Variants in SMARCA4 observed in about 807,000 individuals in gnomAD.
SMARCA4 encodes SWI/SNF related BAF chromatin remodeling complex subunit ATPase 4.
A neutral mutation model predicts 193.9 loss-of-function variants in SMARCA4; 31 were observed. The observed-to-expected ratio is 0.16, with a 90% CI of 0.12 to 0.22. The LOEUF (loss-of-function observed/expected upper bound fraction) is 0.22, where lower values mean the gene tolerates loss of function less well. Ranked by LOEUF, SMARCA4 falls within the 10% of genes least tolerant of loss-of-function variation. The pLI, the probability that SMARCA4 is intolerant of heterozygous loss-of-function variation, is 1.00. For synonymous variants in SMARCA4, 942 were observed against 933.1 expected, an observed-to-expected ratio of 1.01 and a Z score of -0.17; for missense variants, 1,148 against 2,296.0, an observed-to-expected ratio of 0.50 and a Z score of 10.22.
Position 11,041,622 on chromosome 19 carries a change from C to G in SMARCA4, c.4424+62C>G, listed in dbSNP as rs2075620239. On this transcript the variant is annotated intron_variant, in intron 30 of 34. Coordinates refer to ENST00000344626, the MANE Select transcript of SMARCA4 (RefSeq NM_003072.5). The surrounding 1 kb of genome is among the most constrained non-coding windows in gnomAD (Gnocchi z 5.6). Reference sequence around the variant, plus strand: ...GTCCCCGTGGGAGCAGGCCTGGCATCTGCACTCTGACTCTGCACACTCAGG... The same window carrying G: ...GTCCCCGTGGGAGCAGGCCTGGCATGTGCACTCTGACTCTGCACACTCAGG... 6.8e-7 allele frequency: 1 copy of G among 1,469,878 alleles called. No individual in the cohort carries two copies. Among genetic ancestry groups the G allele is most frequent in the Admixed American group, 1.7e-5 (1 of 58,490 alleles). The allele number at this position is 1,469,878 out of a possible 1,614,324, so 91.1% of individuals were successfully genotyped here.
chr19:11,024,566 G>A, intron 21 of SMARCA4, 128 bp downstream of exon 21: 1 of 713,768 alleles, frequency 1.4e-6, no homozygotes, highest in Non-Finnish European at 2.5e-6. Flanking sequence ...CATCTGGCCA[G>A]CCCTGGTTAT....
chr19:11,045,376 C>T (rs1276207641), intron 30 of SMARCA4, among the ~76,000 whole-genome samples: 3 of 152,046 alleles, frequency 2.0e-5, no homozygotes, highest in Non-Finnish European at 4.4e-5. Context: ...AGAAGCTGAT[C>T]CACAGTAATG....
intron 24 of SMARCA4, 53 bp downstream of exon 24, chr19:11,028,003 C>T: frequency 1.3e-6 from 2 of 1,580,082 alleles, no homozygotes; most frequent in Non-Finnish European, 1.7e-6. Context: ...TTGTGGCTGC[C>T]ACAGAAGCTC....
chr19:10,962,657 C>G (rs182998046), intron 1 of SMARCA4, among the ~76,000 whole-genome samples: 1 of 152,166 alleles, frequency 6.6e-6, no homozygotes, highest in Non-Finnish European at 1.5e-5. Flanking sequence ...ATTCTCCTGC[C>G]TCAGCCTCCT....
At chr19:11,012,922 C>T in intron 15 of SMARCA4, 27 bp from the exon 16 acceptor site, 1 of 1,613,722 alleles carries the variant, frequency 6.2e-7, no homozygotes, top group Non-Finnish European at 8.5e-7. Context: ...GCCTTCAGTC[C>T]TGGCGTGGCC....
chr19:11,002,765 A>G (rs2146085174), intron 11 of SMARCA4, among the ~76,000 whole-genome samples: 1 of 145,434 alleles, frequency 6.9e-6, no homozygotes, highest in South Asian at 2.2e-4. Context: ...ACGCCACTGC[A>G]CTCTAGCCTG....
chr19:10,996,737 T>C (rs1009456940), intron 11 of SMARCA4, among the ~76,000 whole-genome samples, 193 bp downstream of exon 11: 3 of 152,236 alleles, frequency 2.0e-5, no homozygotes, highest in African/African-American at 7.2e-5. Context: ...CCAGACCTTT[T>C]TCTATGCATG....
rs1259857496 is a variant in SMARCA4, at chr19:11,036,639, C to A, written c.4170+1507C>A. Among the ~76,000 whole-genome samples the A allele has an allele frequency of 2.0e-5, 3 of 152,106 alleles. No homozygotes were observed. The East Asian group carries it at 5.8e-4, about 29-fold the overall frequency. ...GTGGCTGCTCTATGTACATTTTTTT[C>A]TAGGTGTAATTTACATACCATACAG... is the stretch of plus-strand genomic sequence containing the variant. On this transcript the variant is annotated intron_variant, in intron 29 of 34. Transcript: ENST00000344626.
intron 25 of SMARCA4, chr19:11,032,935 A>G: frequency 2.6e-6 from 1 of 377,410 alleles, no homozygotes; most frequent in Non-Finnish European, 5.1e-6. Context: ...CCTGTTGTAA[A>G]TGGTGCTCGA....
rs1165247909 is a variant in SMARCA4, at chr19:10,989,781, A to G, written c.1245+338A>G. Among the ~76,000 whole-genome samples, 3 of 150,120 alleles carry G rather than the reference A, an allele frequency of 2.0e-5. No individual in the cohort carries two copies. In the East Asian group the frequency reaches 5.9e-4, roughly 30 times the overall value. On this transcript the variant is annotated intron_variant, in intron 7 of 34. Coordinates refer to ENST00000344626, the MANE Select transcript of SMARCA4 (RefSeq NM_003072.5). Reference sequence around the variant, plus strand: ...CAGTGGCATAAACTCTGCTCACTGCAACCAACGCCTCCTGGGATCAAGCAA... The same window carrying G: ...CAGTGGCATAAACTCTGCTCACTGCGACCAACGCCTCCTGGGATCAAGCAA...
intron 1 of SMARCA4, among the ~76,000 whole-genome samples, chr19:10,978,159 C>T (rs936674721): frequency 6.6e-5 from 10 of 152,206 alleles, no homozygotes; most frequent in Non-Finnish European, 1.5e-4. Context: ...TTGTAAATCA[C>T]AGGGAGGTGA....
intron 18 of SMARCA4, 130 bp from the exon 19 acceptor site, chr19:11,021,595 T>C (rs547223740): frequency 4.2e-6 from 5 of 1,182,104 alleles, no homozygotes; most frequent in Non-Finnish European, 6.1e-6. Flanking sequence ...ACGTCAGGCC[T>C]GTGCTCTCCA....
rs191015995 is a variant in SMARCA4 at position 10,975,428 on chromosome 19, C to T, written c.-31-8693C>T. 9.2e-5 allele frequency among the ~76,000 whole-genome samples: 14 copies of T among 151,632 alleles called. No homozygotes were observed. The East Asian group carries it at 2.7e-3, about 29-fold the overall frequency. ...CCGGGTTCAAGCGATTCTCTTGCCT[C>T]AGCTTCCCGAATAGCTGGGACTACA... On this transcript the variant is annotated intron_variant, in intron 1 of 34. Coordinates refer to ENST00000344626, the MANE Select transcript of SMARCA4 (RefSeq NM_003072.5).
rs116712137 is a variant in SMARCA4 at position 11,058,385 on chromosome 19, C to A, written c.4533+22C>A. ...AAAGGTAACCCTGACGTTGTACCTGCGCCCCGCATGTGCCCGGAGGGGAGT... is the reference window on the plus strand; with the variant it reads ...AAAGGTAACCCTGACGTTGTACCTGAGCCCCGCATGTGCCCGGAGGGGAGT... On this transcript the variant is annotated intron_variant, in intron 31 of 34. Transcript: ENST00000344626. This position sits in a 1 kb window ranked among gnomAD's most constrained non-coding sequence, Gnocchi z 5.8. The A allele has an allele frequency of 6.6e-7, 1 of 1,520,040 alleles. No individual in the cohort carries two copies. Among genetic ancestry groups the A allele is most frequent in the Non-Finnish European group, 9.1e-7 (1 of 1,095,272 alleles). The allele number at this position is 1,520,040 out of a possible 1,614,324, so 94.2% of individuals were successfully genotyped here. A position where few individuals can be genotyped will look rare whatever the true frequency, so the allele number is the denominator to read the frequency against.
chr19:10,968,241 G>A (rs2084391499), intron 1 of SMARCA4, among the ~76,000 whole-genome samples: 1 of 152,154 alleles, frequency 6.6e-6, no homozygotes, highest in Admixed American at 6.6e-5. Context: ...GCCTGCCTTG[G>A]CCTTCCAAAC....
intron 16 of SMARCA4, among the ~76,000 whole-genome samples, chr19:11,016,171 G>C (rs529838158): frequency 6.6e-6 from 1 of 151,960 alleles, no homozygotes; most frequent in Non-Finnish European, 1.5e-5. Context: ...CGGGGGTGCC[G>C]GGCTCCTTTT....
chr19:11,036,033 A>T lies in SMARCA4; in HGVS notation c.4170+901A>T, dbSNP rs1046671017. Among the ~76,000 whole-genome samples the T allele has an allele frequency of 3.3e-5, 5 of 152,332 alleles. No individual in the cohort carries two copies. The South Asian group carries it at 8.3e-4, about 25-fold the overall frequency. The stretch of plus-strand genomic sequence containing the variant: ...CCATGTGGCCTAGCCCATGTGGCCA[A>T]ACAGCCCCGGTTCCCTCCTGGGACC... On this transcript the variant is annotated intron_variant, in intron 29 of 34. Transcript: ENST00000344626.
intron 20 of SMARCA4, 87 bp downstream of exon 20, chr19:11,023,718 A>T (rs1315107656): frequency 1.2e-6 from 1 of 814,574 alleles, no homozygotes; most frequent in Admixed American, 2.0e-5. Context: ...GCCTCTCCCC[A>T]CAGTCCCAGG....
chr19:11,059,103 T>C, intron 32 of SMARCA4: 4 of 526,650 alleles, frequency 7.6e-6, no homozygotes, highest in South Asian at 2.7e-5. Flanking sequence ...AACAAGACCC[T>C]GTCTTTAAAA....
Sources: allele counts gnomAD v4.1 joint callset (sites outside exome capture counted in the v4.1 genomes callset), GRCh38; gene constraint gnomAD v4.1.1; non-coding constraint Gnocchi (gnomAD v3.1); transcripts MANE v1.5; gene names NCBI Gene and HGNC (gene_info 2026-07-23, HGNC 2026-07-21).